The following ACER2 variants were observed in gnomAD, a reference collection of about 807,000 sequenced individuals.
ACER2 encodes the protein alkaline ceramidase 2, also known as alkCDase 2.
A neutral mutation model predicts 34.7 loss-of-function variants in ACER2; 26 were observed. The observed-to-expected ratio is 0.75, with a 90% CI of 0.55 to 1.04. The LOEUF (loss-of-function observed/expected upper bound fraction) is 1.04. Ranked by LOEUF, ACER2 falls within the 50% of genes least tolerant of loss-of-function variation. The pLI, the probability that ACER2 is intolerant of heterozygous loss-of-function variation, is 0.00. For missense variants in ACER2, 352 were observed against 340.8 expected (o/e 1.03, Z -0.26); for synonymous variants, 138 against 132.1 (o/e 1.04, Z -0.31).
chr9:19,435,578 G>A (rs1830937123), intron 4 of ACER2, among the ~76,000 whole-genome samples: 1 of 152,104 alleles, frequency 6.6e-6, no homozygotes, highest in South Asian at 2.1e-4. Context: ...TTTCTTTTGG[G>A]AACTTGTGTA....
rs1364696989 is a variant in ACER2 at position 19,451,583 on chromosome 9, T to C, written c.*947T>C. The C allele has an allele frequency of 1.3e-5, 2 of 152,624 alleles. No homozygotes were observed. The highest frequency in any genetic ancestry group is 2.9e-5 in the Non-Finnish European group (2 of 68,068). The allele number at this position is 152,624 out of a possible 1,614,324, so 9.5% of individuals were successfully genotyped here. On this transcript the variant is annotated 3_prime_UTR_variant, in exon 6 of 6. Coordinates refer to ENST00000340967, the MANE Select transcript of ACER2 (RefSeq NM_001010887.3). ...CACAATTTTTAAATACTGAGCACAA[T>C]TTTTAAATACTGACATCACTTCCTC...
intron 1 of ACER2, among the ~76,000 whole-genome samples, chr9:19,420,987 G>C (rs1441168052): frequency 6.6e-6 from 1 of 152,106 alleles, no homozygotes; most frequent in Non-Finnish European, 1.5e-5. Flanking sequence ...TAACATTATA[G>C]ACCATACTTA....
chr9:19,448,124 C>T (rs534499711), intron 5 of ACER2, among the ~76,000 whole-genome samples: 2 of 151,512 alleles, frequency 1.3e-5, no homozygotes, highest in Admixed American at 1.3e-4. Context: ...TCTCCCACCT[C>T]ACCCCCTGCA....
intron 1 of ACER2, among the ~76,000 whole-genome samples, chr9:19,420,008 C>G (rs912876581): frequency 5.9e-5 from 9 of 152,152 alleles, no homozygotes; most frequent in African/African-American, 2.2e-4. Flanking sequence ...CAGATGGTGG[C>G]AGAGGCAGGC....
intron 1 of ACER2, among the ~76,000 whole-genome samples, chr9:19,419,457 G>T (rs1791151711): frequency 1.3e-5 from 2 of 152,112 alleles, no homozygotes; most frequent in Admixed American, 1.3e-4. Context: ...AGGAGAGAAA[G>T]ATCCGCAACA....
chr9:19,433,405 C>T (rs1332591410), intron 3 of ACER2, among the ~76,000 whole-genome samples: 2 of 151,968 alleles, frequency 1.3e-5, no homozygotes, highest in East Asian at 3.9e-4. Context: ...GCACATCTTG[C>T]ACCGCCCTTA....
intron 1 of ACER2, among the ~76,000 whole-genome samples, chr9:19,411,639 G>A (rs1288603450): frequency 1.3e-5 from 2 of 152,204 alleles, no homozygotes; most frequent in Non-Finnish European, 2.9e-5. Context: ...AGACTGTTAT[G>A]TGGTGATAAA....
At chr9:19,433,318 G>T (rs1830822698) in intron 3 of ACER2, among the ~76,000 whole-genome samples, 1 of 151,886 alleles carries the variant, frequency 6.6e-6, no homozygotes, top group Admixed American at 6.6e-5. Context: ...GCAGCGTTTG[G>T]GTCCCTGGGT....
At chr9:19,432,853 C>G (rs1035832830) in intron 3 of ACER2, among the ~76,000 whole-genome samples, 22 of 151,072 alleles carry the variant, frequency 1.5e-4, no homozygotes, top group African/African-American at 5.3e-4. Context: ...TTTGGCCTCC[C>G]AAAGTGCTAG....
rs1450041305 is a variant in ACER2, at chr9:19,424,911, A to G, written c.365+70A>G. ...ACCCAATATAACAATGTATATATGA[A>G]GAAAAATAGCACATGATTGAACTCA... On this transcript the variant is annotated intron_variant, in intron 3 of 5. Coordinates refer to ENST00000340967, the MANE Select transcript of ACER2 (RefSeq NM_001010887.3). 3.8e-6 allele frequency: 6 copies of G among 1,573,500 alleles called. No homozygotes were observed. The Admixed American group carries it at 5.4e-5, about 14-fold the overall frequency.
At chr9:19,445,775 A>T (rs1831334686) in intron 4 of ACER2, among the ~76,000 whole-genome samples, 1 of 152,218 alleles carries the variant, frequency 6.6e-6, no homozygotes, top group Non-Finnish European at 1.5e-5. Context: ...CACTGTGAAT[A>T]CTTTGGCTTT....
chr9:19,419,414 G>C (rs192880273), intron 1 of ACER2, among the ~76,000 whole-genome samples: 2 of 152,164 alleles, frequency 1.3e-5, no homozygotes, highest in East Asian at 3.9e-4. Context: ...CTTACCCAAG[G>C]TCACTAGTCG....
chr9:19,434,178 G>A (rs1001067090), intron 3 of ACER2, among the ~76,000 whole-genome samples: 3 of 151,370 alleles, frequency 2.0e-5, no homozygotes, highest in African/African-American at 7.3e-5. Flanking sequence ...GATGATGGGC[G>A]GCCGGGCAGA....
In ACER2 at chr9:19,416,533, T is replaced by C. The variant is rs376792267; in HGVS notation, c.109-7329T>C. Reference sequence around the variant, plus strand: ...TTTTTATTTATTTTTATTTTTTATTTTATTATATTTTATTTTTTTGAGACT... The same window carrying C: ...TTTTTATTTATTTTTATTTTTTATTCTATTATATTTTATTTTTTTGAGACT... On this transcript the variant is annotated intron_variant, in intron 1 of 5. Coordinates refer to ENST00000340967, the MANE Select transcript of ACER2 (RefSeq NM_001010887.3). Among the ~76,000 whole-genome samples, 5 of 152,000 alleles carry C rather than the reference T, an allele frequency of 3.3e-5. No individual in the cohort carries two copies. The East Asian group carries it at 7.7e-4, about 23-fold the overall frequency.
chr9:19,439,897 G>A (rs1282760024), intron 4 of ACER2, among the ~76,000 whole-genome samples: 1 of 152,174 alleles, frequency 6.6e-6, no homozygotes, highest in Non-Finnish European at 1.5e-5. Flanking sequence ...AATCCAGGAG[G>A]CGGAGGTTGT....
intron 3 of ACER2, among the ~76,000 whole-genome samples, chr9:19,430,927 C>A (rs1830734788): frequency 2.0e-5 from 3 of 151,934 alleles, no homozygotes. Flanking sequence ...CACTGCTCTC[C>A]AGCCTGGGTG....
At chr9:19,414,603 G>C (rs1224842286) in intron 1 of ACER2, among the ~76,000 whole-genome samples, 1 of 152,114 alleles carries the variant, frequency 6.6e-6, no homozygotes, top group African/African-American at 2.4e-5. Flanking sequence ...CTTGAGACCA[G>C]CCTGAGCCAC....
In ACER2 at chr9:19,450,603, T is replaced by A; in HGVS notation, c.795T>A (p.Cys265Ter). The change falls in exon 6 of 6, where the codon TGT (cysteine) becomes TGA (stop). Residue 265 changes from cysteine (C) to a stop codon, truncating the protein, a stop_gained. Coordinates refer to ENST00000340967, the MANE Select transcript of ACER2 (RefSeq NM_001010887.3). LOFTEE classifies it high-confidence loss of function. ...GTGTCCCCTATGTGTCCCTCCTGTG[T>A]GCCAACAAGAAATCATCAGTCAAGA... Reference protein sequence around the residue: ...FIGVPYVSLLCANKKSSVKIT With the variant: ...FIGVPYVSLL 1 of 1,583,270 alleles carries A rather than the reference T, an allele frequency of 6.3e-7. No individual in the cohort carries two copies.
rs1226636862 is a variant in ACER2 at position 19,444,251 on chromosome 9, C to A, written c.504-2030C>A. On this transcript the variant is annotated intron_variant, in intron 4 of 5. Coordinates refer to ENST00000340967, the MANE Select transcript of ACER2 (RefSeq NM_001010887.3). ...TTTTGAGACGGAGTCTTGCTCTGTCCCCTGGGCTGGAGTGCAGTGGCGCGA... is the reference window on the plus strand; with the variant it reads ...TTTTGAGACGGAGTCTTGCTCTGTCACCTGGGCTGGAGTGCAGTGGCGCGA... 4.0e-5 allele frequency among the ~76,000 whole-genome samples: 6 copies of A among 150,298 alleles called. No homozygotes were observed. The East Asian group carries it at 9.8e-4, about 24-fold the overall frequency.
Sources: allele counts gnomAD v4.1 joint callset (sites outside exome capture counted in the v4.1 genomes callset), GRCh38; gene constraint gnomAD v4.1.1; transcripts MANE v1.5; gene names NCBI Gene and HGNC (gene_info 2026-07-23, HGNC 2026-07-21).